The following FOXP2 variants were observed in gnomAD, a reference collection of about 807,000 sequenced individuals.
FOXP2 encodes the protein forkhead box protein P2.
FOXP2 carries 12 observed loss-of-function variants against 115.8 expected under a neutral mutation model. The observed-to-expected ratio is 0.10, with a 90% CI of 0.07 to 0.17. The LOEUF (loss-of-function observed/expected upper bound fraction) is 0.17, where lower values mean the gene tolerates loss of function less well. FOXP2 is among the 10% of genes least tolerant of loss of function. The probability of loss-of-function intolerance (pLI) is 1.00; values close to 1 mark genes in which losing one functional copy is unlikely to be tolerated. For missense variants in FOXP2, 629 were observed against 843.5 expected, an observed-to-expected ratio of 0.75 and a Z score of 3.15; for synonymous variants, 328 against 297.7, an observed-to-expected ratio of 1.10 and a Z score of -1.05.
At position 114,690,802 on chromosome 7, in the gene FOXP2, C is replaced by T. The variant is rs768520311; in HGVS notation, c.*876C>T. The T allele has an allele frequency of 2.2e-6, 1 of 454,544 alleles. No homozygotes were observed. The highest frequency in any genetic ancestry group is 1.6e-5 in the South Asian group (1 of 64,480). The allele number at this position is 454,544 out of a possible 1,614,324, so 28.2% of individuals were successfully genotyped here. The stretch of plus-strand genomic sequence containing the variant: ...GCTCAAGGACAGAAGCAGCCACATG[C>T]TTTGGTCAGCCTTCTGTAACTTCAA... On this transcript the variant is annotated 3_prime_UTR_variant, in exon 17 of 17. Transcript: ENST00000350908.
intron 3 of FOXP2, among the ~76,000 whole-genome samples, chr7:114,583,282 G>T (rs529913810): frequency 5.3e-5 from 8 of 152,088 alleles, no homozygotes; most frequent in African/African-American, 1.9e-4. Flanking sequence ...GGGTGGCCGA[G>T]GCAGGAGAAT....
At position 114,644,802 on chromosome 7, in the gene FOXP2, C is replaced by CT. The variant is rs749234223; in HGVS notation, c.1094+21dup. ...GACAGTTTTTAAAGTAGGTTTTTTA[C>CT]TTTTTTTTGGTGGGGGGCGGGGGCT... On this transcript the variant is annotated intron_variant, in intron 8 of 16. Coordinates refer to ENST00000350908, the MANE Select transcript of FOXP2 (RefSeq NM_014491.4). The CT allele has an allele frequency of 2.9e-5, 47 of 1,597,510 alleles. No homozygotes were observed. Among genetic ancestry groups the CT allele is most frequent in the Non-Finnish European group, 3.1e-5 (36 of 1,167,304 alleles).
At chr7:114,260,235 C>T (rs1230726521) in intron 1 of FOXP2, among the ~76,000 whole-genome samples, 1 of 148,796 alleles carries the variant, frequency 6.7e-6, no homozygotes, top group Non-Finnish European at 1.5e-5. Flanking sequence ...ACAACAACAA[C>T]ACCGCCAAAA....
At chr7:114,493,658 ACTCT>A (rs111542252) in intron 2 of FOXP2, among the ~76,000 whole-genome samples, 76 of 147,738 alleles carry the variant, frequency 5.1e-4, no homozygotes, top group Middle Eastern at 3.5e-3. Flanking sequence ...ACACACACAT[ACTCT>A]CTCTCTCTCT....
intron 16 of FOXP2, among the ~76,000 whole-genome samples, chr7:114,676,075 A>ATTTTTTTTTT (rs11327459): frequency 6.2e-3 from 551 of 89,536 alleles, no homozygotes; most frequent in East Asian, 0.021. Context: ...AGGCCCGGCT[A>ATTTTTTTTTT]TTTTTTTTTT....
At chr7:114,262,699 A>G (rs567400077) in intron 1 of FOXP2, among the ~76,000 whole-genome samples, 9 of 152,212 alleles carry the variant, frequency 5.9e-5, no homozygotes, top group Admixed American at 1.3e-4. Flanking sequence ...AGAACCTACC[A>G]ATATTAGACA....
chr7:114,278,415 G>A (rs1584602376), intron 1 of FOXP2, among the ~76,000 whole-genome samples: 1 of 151,826 alleles, frequency 6.6e-6, no homozygotes, highest in African/African-American at 2.4e-5. Context: ...GAGTGCAGTG[G>A]TGTGATTTAG....
chr7:114,589,317 G>T (rs1397430184), intron 3 of FOXP2, among the ~76,000 whole-genome samples: 1 of 151,806 alleles, frequency 6.6e-6, no homozygotes, highest in Non-Finnish European at 1.5e-5. Flanking sequence ...ATTAGTATGT[G>T]AAGTAAATAT....
At chr7:114,677,221 T>C (rs1347957665) in intron 16 of FOXP2, among the ~76,000 whole-genome samples, 1 of 151,932 alleles carries the variant, frequency 6.6e-6, no homozygotes, top group Non-Finnish European at 1.5e-5. Flanking sequence ...AAATCTTTAT[T>C]GTTAACTTCA....
intron 1 of FOXP2, among the ~76,000 whole-genome samples, chr7:114,246,934 A>G (rs991162965): frequency 3.3e-5 from 5 of 152,208 alleles, no homozygotes; most frequent in Admixed American, 6.5e-5. Flanking sequence ...ACTATATTGT[A>G]TCACATAGAA....
chr7:114,646,485 A>G (rs923321103), intron 8 of FOXP2, among the ~76,000 whole-genome samples: 2 of 152,056 alleles, frequency 1.3e-5, no homozygotes, highest in African/African-American at 4.8e-5. Context: ...TTTTTAAAAA[A>G]CCAAAGAAAT....
chr7:114,526,433 G>T (rs1354988389), intron 2 of FOXP2, among the ~76,000 whole-genome samples: 1 of 146,246 alleles, frequency 6.8e-6, no homozygotes, highest in Non-Finnish European at 1.5e-5. Flanking sequence ...GCTGAGATGC[G>T]CCATTGCACT....
chr7:114,456,872 A>G (rs1795331853), intron 2 of FOXP2, among the ~76,000 whole-genome samples: 1 of 152,122 alleles, frequency 6.6e-6, no homozygotes, highest in Non-Finnish European at 1.5e-5. Context: ...CCATTTTGGA[A>G]CAGCATAGAT....
intron 1 of FOXP2, among the ~76,000 whole-genome samples, chr7:114,237,512 T>G (rs564310198): frequency 1.3e-5 from 2 of 152,316 alleles, no homozygotes; most frequent in South Asian, 4.1e-4. Flanking sequence ...AGCCTTATAT[T>G]TTAATTATGG....
chr7:114,367,227 G>A (rs1453947689), intron 2 of FOXP2, among the ~76,000 whole-genome samples: 2 of 152,096 alleles, frequency 1.3e-5, no homozygotes, highest in Non-Finnish European at 2.9e-5. Context: ...CAATAAATAA[G>A]GAAGTGATGG....
At chr7:114,650,029 T>C (rs200258795) in intron 8 of FOXP2, among the ~76,000 whole-genome samples, 1 of 152,144 alleles carries the variant, frequency 6.6e-6, no homozygotes, top group East Asian at 1.9e-4. Context: ...AATGGCAAGG[T>C]TCTTTTGTGT....
At chr7:114,433,668 A>G (rs1794212154) in intron 2 of FOXP2, among the ~76,000 whole-genome samples, 2 of 152,000 alleles carry the variant, frequency 1.3e-5, no homozygotes, top group African/African-American at 2.4e-5. Flanking sequence ...CAAAATTTCA[A>G]CTAAAGTAGC....
At chr7:114,216,069 C>T (rs545343844) in intron 1 of FOXP2, among the ~76,000 whole-genome samples, 7 of 152,248 alleles carry the variant, frequency 4.6e-5, no homozygotes, top group African/African-American at 9.6e-5. Flanking sequence ...ATCTTCTTTA[C>T]AGAAAGAATT....
intron 1 of FOXP2, among the ~76,000 whole-genome samples, chr7:114,156,487 AT>A (rs1792675317): frequency 6.6e-6 from 1 of 152,264 alleles, no homozygotes; most frequent in Non-Finnish European, 1.5e-5. Context: ...CTTTCAACCA[AT>A]TGCCAATGAG....
Sources: allele counts gnomAD v4.1 joint callset (sites outside exome capture counted in the v4.1 genomes callset), GRCh38; gene constraint gnomAD v4.1.1; transcripts MANE v1.5; gene names NCBI Gene and HGNC (gene_info 2026-07-23, HGNC 2026-07-21).